The following XPR1 variants were observed in gnomAD, a reference collection of about 807,000 sequenced individuals.
XPR1 encodes the protein xenotropic and polytropic retrovirus receptor 1.
XPR1 carries 28 observed loss-of-function variants against 87.5 expected under a neutral mutation model. That is an observed-to-expected ratio of 0.32 (90% CI 0.24 to 0.44). The LOEUF (loss-of-function observed/expected upper bound fraction) is 0.44, where lower values mean the gene tolerates loss of function less well. Ranked by LOEUF, XPR1 falls within the 20% of genes least tolerant of loss-of-function variation. XPR1 has a pLI of 1.00. For missense variants in XPR1, 559 were observed against 862.3 expected, an observed-to-expected ratio of 0.65 and a Z score of 4.41; for synonymous variants, 300 against 306.1, an observed-to-expected ratio of 0.98 and a Z score of 0.21.
At chr1:180,686,931 G>A (rs867831744) in intron 2 of XPR1, among the ~76,000 whole-genome samples, 19 of 152,078 alleles carry the variant, frequency 1.2e-4, no homozygotes, top group Middle Eastern at 6.8e-3. Flanking sequence ...ATTAAGTCAG[G>A]AATTGGCATT....
At chr1:180,663,806 A>T (rs1387442171) in intron 1 of XPR1, among the ~76,000 whole-genome samples, 1 of 152,162 alleles carries the variant, frequency 6.6e-6, no homozygotes, top group Non-Finnish European at 1.5e-5. Flanking sequence ...AAACCTTAGA[A>T]ATCTACCTGG....
intron 12 of XPR1, among the ~76,000 whole-genome samples, chr1:180,866,663 G>A (rs916174057): frequency 6.6e-6 from 1 of 152,174 alleles, no homozygotes; most frequent in Non-Finnish European, 1.5e-5. Flanking sequence ...TGCGAGGAAG[G>A]AGAGGGAACA....
chr1:180,772,176 G>T (rs1648542188), intron 2 of XPR1, among the ~76,000 whole-genome samples: 1 of 152,042 alleles, frequency 6.6e-6, no homozygotes, highest in Admixed American at 6.5e-5. Flanking sequence ...TACTGTTACT[G>T]TCATTTATTT....
chr1:180,635,608 C>A (rs188868175), intron 1 of XPR1, among the ~76,000 whole-genome samples: 109 of 152,088 alleles, frequency 7.2e-4, no homozygotes, highest in African/African-American at 2.1e-3. Flanking sequence ...GATTTTAGAG[C>A]TAAAAGGGAA....
chr1:180,692,008 C>T (rs2101958398), intron 2 of XPR1, among the ~76,000 whole-genome samples: 2 of 152,180 alleles, frequency 1.3e-5, no homozygotes. Context: ...TCCCCTCTCC[C>T]CAGTTTCCAC....
intron 11 of XPR1, among the ~76,000 whole-genome samples, chr1:180,855,593 G>A (rs1651999995): frequency 6.6e-6 from 1 of 151,338 alleles, no homozygotes; most frequent in Non-Finnish European, 1.5e-5. Context: ...TAACCCAGGA[G>A]GTAGAGGTTG....
chr1:180,666,873 G>A (rs150279080), intron 1 of XPR1, among the ~76,000 whole-genome samples: 98 of 151,660 alleles, frequency 6.5e-4, no homozygotes, highest in Non-Finnish European at 1.1e-3. Context: ...GATGAAAATG[G>A]GCATCTTTTC....
intron 7 of XPR1, among the ~76,000 whole-genome samples, chr1:180,814,997 G>A (rs764752486): frequency 3.3e-5 from 5 of 152,034 alleles, no homozygotes; most frequent in Admixed American, 6.6e-5. Flanking sequence ...TGAAAAGATA[G>A]CTTGAGGCCA....
intron 2 of XPR1, among the ~76,000 whole-genome samples, chr1:180,683,546 C>T (rs1366671851): frequency 6.6e-6 from 1 of 152,204 alleles, no homozygotes; most frequent in Non-Finnish European, 1.5e-5. Context: ...ACCACACCGA[C>T]TTCCACAATG....
chr1:180,683,211 T>C (rs866306894), intron 2 of XPR1, among the ~76,000 whole-genome samples: 62 of 150,668 alleles, frequency 4.1e-4, no homozygotes, highest in African/African-American at 1.3e-3. Flanking sequence ...TGAGAACATG[T>C]GGTGTTTGGT....
chr1:180,836,432 A>G, intron 10 of XPR1, 90 bp from the exon 11 acceptor site: 1 of 1,420,258 alleles, frequency 7.0e-7, no homozygotes, highest in Non-Finnish European at 9.6e-7. Flanking sequence ...TTGCTTTTTT[A>G]GACTTGGTAT....
chr1:180,829,952 A>G (rs1265889743), intron 9 of XPR1, among the ~76,000 whole-genome samples: 3 of 151,810 alleles, frequency 2.0e-5, no homozygotes, highest in Admixed American at 2.0e-4. Flanking sequence ...CCAGGTTTTG[A>G]GGATGGGGTT....
intron 4 of XPR1, among the ~76,000 whole-genome samples, chr1:180,803,980 CTTTCTTTTTTTTT>C (rs1319353222): frequency 2.6e-5 from 4 of 151,150 alleles, no homozygotes; most frequent in Non-Finnish European, 4.4e-5. Context: ...CTTTTTTTTC[CTTTCTTTTTTTTT>C]TTTCTTTTTT....
Position 180,664,518 on chromosome 1 carries a change from A to G in XPR1, c.70-17842A>G, listed in dbSNP as rs566642236. On this transcript the variant is annotated intron_variant, in intron 1 of 14. Transcript: ENST00000367590. Reference sequence around the variant, plus strand: ...GTAGCTCAGTTGGTATCCCAGTTGCAAGATGAAGTCCTCTTTACTCTTCCC... The same window carrying G: ...GTAGCTCAGTTGGTATCCCAGTTGCGAGATGAAGTCCTCTTTACTCTTCCC... Among the ~76,000 whole-genome samples, 9 of 152,226 alleles carry G rather than the reference A, an allele frequency of 5.9e-5. No homozygotes were observed. The South Asian group carries it at 1.7e-3, about 28-fold the overall frequency.
intron 2 of XPR1, among the ~76,000 whole-genome samples, chr1:180,728,082 A>G (rs1290702493): frequency 2.0e-5 from 3 of 152,116 alleles, no homozygotes; most frequent in African/African-American, 7.2e-5. Context: ...CTTATTCAAG[A>G]TGGAGTTGCT....
At chr1:180,756,695 GTCTTA>G (rs1353472740) in intron 2 of XPR1, among the ~76,000 whole-genome samples, 3 of 152,030 alleles carry the variant, frequency 2.0e-5, no homozygotes, top group East Asian at 1.9e-4. Flanking sequence ...AGAGAGGTTT[GTCTTA>G]TCTTCAGTCA....
At chr1:180,661,417 T>C (rs975999143) in intron 1 of XPR1, among the ~76,000 whole-genome samples, 2 of 152,096 alleles carry the variant, frequency 1.3e-5, no homozygotes, top group Admixed American at 1.3e-4. Context: ...CCTTCTTTCC[T>C]TCCTTCCTGT....
intron 2 of XPR1, among the ~76,000 whole-genome samples, chr1:180,773,943 A>G (rs943981870): frequency 6.6e-6 from 1 of 152,200 alleles, no homozygotes; most frequent in Non-Finnish European, 1.5e-5. Context: ...TTAAATATAT[A>G]ATCACTAAAC....
At chr1:180,866,808 TTA>T (rs1491255525) in intron 12 of XPR1, among the ~76,000 whole-genome samples, 3 of 122,948 alleles carry the variant, frequency 2.4e-5, no homozygotes, top group African/African-American at 9.6e-5. Context: ...TTTTTTTTTT[TTA>T]ATTTTTTTTT....
Sources: gnomAD v4.1 joint callset for allele counts (sites outside exome capture counted in the v4.1 genomes callset) on GRCh38, gnomAD v4.1.1 for gene constraint, MANE v1.5 for transcripts, NCBI Gene and HGNC (gene_info 2026-07-23, HGNC 2026-07-21) for gene names.